Variants in RASGRP3 observed in about 807,000 individuals in gnomAD.
The protein encoded by RASGRP3 is ras guanyl-releasing protein 3.
In RASGRP3, 54 loss-of-function variants were observed where a neutral mutation model predicts 82.7. The ratio of observed to expected loss-of-function variants is 0.65; its 90% confidence interval spans 0.52 to 0.82. The LOEUF (loss-of-function observed/expected upper bound fraction) is 0.82. Ranked by LOEUF, RASGRP3 falls within the 40% of genes least tolerant of loss-of-function variation. The probability of loss-of-function intolerance (pLI) is 0.00; values close to 1 mark genes in which losing one functional copy is unlikely to be tolerated. For synonymous variants in RASGRP3, 309 were observed against 300.5 expected, an observed-to-expected ratio of 1.03 and a Z score of -0.29; for missense variants, 861 against 828.9, an observed-to-expected ratio of 1.04 and a Z score of -0.48.
chr2:33,450,744 G>C (rs1400328851), intron 2 of RASGRP3, among the ~76,000 whole-genome samples: 2 of 150,536 alleles, frequency 1.3e-5, no homozygotes, highest in Non-Finnish European at 3.0e-5. Context: ...TCAGAAGTGG[G>C]ATTGCTGAAG....
chr2:33,524,593 T>C (rs1672345038), intron 9 of RASGRP3, 45 bp downstream of exon 9: 1 of 1,426,958 alleles, frequency 7.0e-7, no homozygotes, highest in Non-Finnish European at 9.6e-7. Flanking sequence ...AATGCATTTG[T>C]AAATTGTTCA....
intron 1 of RASGRP3, among the ~76,000 whole-genome samples, chr2:33,502,394 A>T (rs1669953402): frequency 6.6e-6 from 1 of 151,996 alleles, no homozygotes; most frequent in Admixed American, 6.6e-5. Context: ...TAATTTGCTC[A>T]CACTTTAGTA....
upstream of RASGRP3, among the ~76,000 whole-genome samples, chr2:33,473,251 C>T (rs374832616): frequency 3.9e-5 from 6 of 151,928 alleles, no homozygotes; most frequent in African/African-American, 1.2e-4. Context: ...GGCGTGGTGG[C>T]GGGTGCCTAT....
intron 12 of RASGRP3, chr2:33,539,450 C>T (rs1674010166): frequency 5.4e-6 from 2 of 367,262 alleles, no homozygotes; most frequent in Non-Finnish European, 9.9e-6. Flanking sequence ...CAGCTCCTCT[C>T]TTTCACAGGC....
intron 1 of RASGRP3, among the ~76,000 whole-genome samples, chr2:33,508,054 G>C (rs1382481643): frequency 1.3e-5 from 2 of 152,110 alleles, no homozygotes; most frequent in African/African-American, 4.8e-5. Flanking sequence ...ATTGTCTATG[G>C]GGAATGATCA....
intron 1 of RASGRP3, chr2:33,481,290 T>C (rs2150937727): frequency 6.6e-6 from 1 of 152,250 alleles, no homozygotes; most frequent in South Asian, 2.1e-4. Context: ...GCCTCCCGAG[T>C]AGCTGGGACT....
At chr2:33,441,346 G>C (rs1300212795) in intron 1 of RASGRP3, among the ~76,000 whole-genome samples, 1 of 151,170 alleles carries the variant, frequency 6.6e-6, no homozygotes, top group Admixed American at 6.6e-5. Context: ...AAATTAGATC[G>C]TGCAATTTTT....
intron 4 of RASGRP3, among the ~76,000 whole-genome samples, chr2:33,518,019 C>T (rs1671629062): frequency 6.6e-6 from 1 of 152,060 alleles, no homozygotes. Flanking sequence ...AATAACACAA[C>T]TTGAGTATTA....
chr2:33,563,396 C>T lies in RASGRP3; in HGVS notation c.*659C>T, dbSNP rs1221519061. ...TTGCTATGATATGTAACAAGTCACA[C>T]ATGTATATATCACACAAGTCTTACC... On this transcript the variant is annotated 3_prime_UTR_variant, in exon 18 of 18. Transcript: ENST00000403687. 1 of 152,214 alleles carries T rather than the reference C, an allele frequency of 6.6e-6. No individual in the cohort carries two copies. Among genetic ancestry groups the T allele is most frequent in the East Asian group, 1.9e-4 (1 of 5,198 alleles). 9.4% of individuals were successfully genotyped at this position (152,214 alleles called of 1,614,324 possible).
chr2:33,502,224 G>A (rs140294136), intron 1 of RASGRP3, among the ~76,000 whole-genome samples: 3 of 152,122 alleles, frequency 2.0e-5, no homozygotes, highest in East Asian at 1.9e-4. Context: ...GTGGTAAGAC[G>A]CATGAACTCT....
At position 33,452,583 on chromosome 2, in the gene RASGRP3, C is replaced by T. The variant is rs145968785; in HGVS notation, c.-261+4640C>T. 2.6e-4 allele frequency among the ~76,000 whole-genome samples: 40 copies of T among 152,182 alleles called. No individual in the cohort carries two copies. In the Middle Eastern group the frequency reaches 0.01, roughly 39 times the overall value. ...CAGGGGCTGGCCTGAAGTCTAGGTT[C>T]ATGGGGGCCATCCTGTCCATGAGAT... On this transcript the variant is annotated intron_variant, in intron 2 of 18. Transcript: ENST00000402538.
chr2:33,451,251 A>T (rs550872059), intron 2 of RASGRP3, among the ~76,000 whole-genome samples: 76 of 152,046 alleles, frequency 5.0e-4, no homozygotes, highest in Non-Finnish European at 1.0e-4. Context: ...TAAAATTTGA[A>T]TTATTTGTTT....
In RASGRP3 at chr2:33,527,174, G is replaced by A. The variant is rs1672649239; in HGVS notation, c.845G>A (p.Gly282Asp). ...NEMTELVSSN[G>D]NYCNYRKAFA... The stretch of plus-strand genomic sequence containing the variant: ...ATGACAGAGTTGGTCTCCTCCAACG[G>A]CAATTACTGCAATTACCGCAAGGCC... The change falls in exon 10 of 18, where the codon GGC becomes GAC. Residue 282 changes from glycine (G) to aspartate (D), a missense_variant. Gly to Asp is a moderately conservative substitution (Grantham distance 94). Coordinates refer to ENST00000403687, the MANE Select transcript of RASGRP3 (RefSeq NM_001139488.2). 6.2e-6 allele frequency: 10 copies of A among 1,613,916 alleles called. No individual in the cohort carries two copies. Among genetic ancestry groups the A allele is most frequent in the African/African-American group, 1.3e-5 (1 of 74,938 alleles).
chr2:33,527,982 C>G (rs78106009), intron 10 of RASGRP3, among the ~76,000 whole-genome samples: 60 of 152,324 alleles, frequency 3.9e-4, no homozygotes, highest in African/African-American at 1.4e-3. Flanking sequence ...CTTATACTTT[C>G]CACCCCATGA....
intron 8 of RASGRP3, 92 bp downstream of exon 8, chr2:33,524,144 T>C: frequency 7.0e-7 from 1 of 1,423,098 alleles, no homozygotes; most frequent in Non-Finnish European, 9.7e-7. Context: ...GTTCACAGTA[T>C]AAGGGCATCG....
chr2:33,459,213 C>A (rs956212304), intron 2 of RASGRP3, among the ~76,000 whole-genome samples: 1 of 152,112 alleles, frequency 6.6e-6, no homozygotes, highest in Non-Finnish European at 1.5e-5. Flanking sequence ...TGGCTCACTG[C>A]AAGCTCTGCC....
intron 2 of RASGRP3, among the ~76,000 whole-genome samples, chr2:33,460,754 A>G (rs1010252327): frequency 9.2e-5 from 14 of 152,036 alleles, no homozygotes; most frequent in Non-Finnish European, 1.9e-4. Flanking sequence ...AGCTCAGGCA[A>G]TCAGCCTGCC....
intron 1 of RASGRP3, among the ~76,000 whole-genome samples, chr2:33,503,083 A>G (rs1022898629): frequency 6.6e-6 from 1 of 152,220 alleles, no homozygotes; most frequent in African/African-American, 2.4e-5. Context: ...ATCCATTTGT[A>G]ATATTGTTCT....
intron 13 of RASGRP3, among the ~76,000 whole-genome samples, chr2:33,544,159 C>T (rs1009343126): frequency 6.6e-6 from 1 of 151,950 alleles, no homozygotes; most frequent in Non-Finnish European, 1.5e-5. Context: ...ACTAAAAATA[C>T]AAAAATTCAC....
Sources: gnomAD v4.1 joint callset for allele counts (sites outside exome capture counted in the v4.1 genomes callset) on GRCh38, gnomAD v4.1.1 for gene constraint, MANE v1.5 for transcripts, NCBI Gene and HGNC (gene_info 2026-07-23, HGNC 2026-07-21) for gene names.